ADAM12: variants seen among roughly 807,000 people sequenced by gnomAD.
The protein encoded by ADAM12 is disintegrin and metalloproteinase domain-containing protein 12.
In ADAM12, 70 loss-of-function variants were observed where a neutral mutation model predicts 106.4. The ratio of observed to expected loss-of-function variants is 0.66; its 90% CI spans 0.54 to 0.80. The LOEUF is 0.80. Ranked by LOEUF, ADAM12 falls within the 30% of genes least tolerant of loss-of-function variation. ADAM12 has a pLI of 0.00. For missense variants in ADAM12, 1,010 were observed against 1,171.9 expected (o/e 0.86, Z 2.02); for synonymous variants, 420 against 433.5 (o/e 0.97, Z 0.39).
intron 3 of ADAM12, among the ~76,000 whole-genome samples, chr10:126,253,987 C>T (rs1958839243): frequency 6.6e-6 from 1 of 152,216 alleles, no homozygotes; most frequent in Non-Finnish European, 1.5e-5. Flanking sequence ...TCTCTGCCGG[C>T]TCACCCAGCC....
At chr10:126,267,421 T>A (rs6421960) in intron 3 of ADAM12, among the ~76,000 whole-genome samples, 1 of 152,050 alleles carries the variant, frequency 6.6e-6, no homozygotes, top group Non-Finnish European at 1.5e-5. Context: ...CTCACCATCA[T>A]GTAGAATCAG....
At chr10:126,347,794 T>C (rs1855204261) in intron 1 of ADAM12, among the ~76,000 whole-genome samples, 1 of 152,240 alleles carries the variant, frequency 6.6e-6, no homozygotes, top group Non-Finnish European at 1.5e-5. Flanking sequence ...TATTTGAAAC[T>C]TTATGTGTTA....
chr10:126,243,101 T>C (rs1205211431), intron 3 of ADAM12, among the ~76,000 whole-genome samples: 1 of 152,192 alleles, frequency 6.6e-6, no homozygotes, highest in Non-Finnish European at 1.5e-5. Context: ...GCAGCTGTGA[T>C]GGCTGCATCG....
intron 1 of ADAM12, among the ~76,000 whole-genome samples, chr10:126,331,874 C>T (rs890528224): frequency 2.0e-5 from 3 of 152,092 alleles, no homozygotes; most frequent in African/African-American, 4.8e-5. Flanking sequence ...CTGTGACACC[C>T]GTGAACGGCT....
intron 1 of ADAM12, among the ~76,000 whole-genome samples, chr10:126,344,358 C>A (rs1855055405): frequency 1.3e-5 from 2 of 152,124 alleles, no homozygotes; most frequent in Admixed American, 1.3e-4. Flanking sequence ...TTTCTGAGGG[C>A]TCTGTTCTGT....
At chr10:126,337,714 C>T (rs1261736404) in intron 1 of ADAM12, among the ~76,000 whole-genome samples, 3 of 152,188 alleles carry the variant, frequency 2.0e-5, no homozygotes, top group Non-Finnish European at 4.4e-5. Flanking sequence ...AAGCTGACAC[C>T]TAATATTAAC....
At chr10:126,379,797 T>C (rs1487779319) in intron 1 of ADAM12, among the ~76,000 whole-genome samples, 2 of 152,172 alleles carry the variant, frequency 1.3e-5, no homozygotes, top group Non-Finnish European at 2.9e-5. Context: ...CAGATTCAAG[T>C]GAGCATATCT....
chr10:126,171,918 A>G (rs1466026545), intron 3 of ADAM12, among the ~76,000 whole-genome samples: 1 of 152,216 alleles, frequency 6.6e-6, no homozygotes, highest in Middle Eastern at 3.2e-3. Flanking sequence ...CTCATATTCT[A>G]GAAACATGCT....
At chr10:126,188,229 C>A (rs1163072776) in intron 3 of ADAM12, among the ~76,000 whole-genome samples, 1 of 152,200 alleles carries the variant, frequency 6.6e-6, no homozygotes, top group Non-Finnish European at 1.5e-5. Flanking sequence ...GAGTCCAAAG[C>A]CTCAAAGTGG....
chr10:126,383,343 A>C (rs976924630), intron 1 of ADAM12, among the ~76,000 whole-genome samples: 1 of 152,176 alleles, frequency 6.6e-6, no homozygotes, highest in African/African-American at 2.4e-5. Flanking sequence ...AAAGGGATGA[A>C]AAATAGATAA....
intron 8 of ADAM12, among the ~76,000 whole-genome samples, chr10:126,104,623 G>A (rs1477566771): frequency 6.6e-6 from 1 of 152,054 alleles, no homozygotes; most frequent in East Asian, 1.9e-4. Context: ...CCATGGGCAG[G>A]TGCACTCCCC....
intron 2 of ADAM12, among the ~76,000 whole-genome samples, chr10:126,295,785 A>G (rs1052488659): frequency 1.3e-5 from 2 of 152,150 alleles, no homozygotes; most frequent in African/African-American, 4.8e-5. Context: ...ATAAAGAAAA[A>G]CAAAATAAAA....
intron 14 of ADAM12, among the ~76,000 whole-genome samples, chr10:126,054,868 T>C (rs898817827): frequency 6.6e-6 from 1 of 151,858 alleles, no homozygotes; most frequent in Admixed American, 6.6e-5. Flanking sequence ...GGGCTGGGGG[T>C]GTGTGTGGGG....
chr10:126,158,897 G>T (rs1220622334), intron 3 of ADAM12, among the ~76,000 whole-genome samples: 1 of 148,844 alleles, frequency 6.7e-6, no homozygotes, highest in African/African-American at 2.5e-5. Flanking sequence ...CACAGAGCAT[G>T]GTGGGGAGGA....
At chr10:126,258,806 C>A (rs933014337) in intron 3 of ADAM12, among the ~76,000 whole-genome samples, 1 of 152,080 alleles carries the variant, frequency 6.6e-6, no homozygotes, top group Admixed American at 6.5e-5. Flanking sequence ...GCTGCCACAC[C>A]AAGACACCTT....
chr10:126,069,784 G>A (rs1954948934), intron 12 of ADAM12, among the ~76,000 whole-genome samples: 1 of 152,138 alleles, frequency 6.6e-6, no homozygotes, highest in Non-Finnish European at 1.5e-5. Context: ...GACGGTGGCG[G>A]CAGTGGCAGT....
At chr10:126,324,679 A>C (rs1402498430) in intron 2 of ADAM12, among the ~76,000 whole-genome samples, 2 of 152,186 alleles carry the variant, frequency 1.3e-5, no homozygotes, top group African/African-American at 4.8e-5. Flanking sequence ...TTCAAACCTT[A>C]CTATTTCAGG....
intron 18 of ADAM12, chr10:126,041,493 G>C (rs1954168696): frequency 1.0e-6 from 1 of 985,386 alleles, no homozygotes; most frequent in Non-Finnish European, 1.2e-6. Flanking sequence ...CCTCAAACCT[G>C]AGTACTGCTG....
chr10:126,042,946 G>C (rs543228754), intron 18 of ADAM12, 94 bp downstream of exon 18: 1 of 1,264,416 alleles, frequency 7.9e-7, no homozygotes, highest in South Asian at 1.4e-5. Flanking sequence ...TGGGTTTCTT[G>C]TTGGCTCTAC....
Sources: allele counts gnomAD v4.1 joint callset (sites outside exome capture counted in the v4.1 genomes callset), GRCh38; gene constraint gnomAD v4.1.1; transcripts MANE v1.5; gene names NCBI Gene and HGNC (gene_info 2026-07-23, HGNC 2026-07-21).